KCNK12: variants seen among roughly 807,000 people sequenced by gnomAD.
KCNK12 encodes potassium two pore domain channel subfamily K member 12.
In KCNK12, 6 loss-of-function variants were observed where a neutral mutation model predicts 25.3. The ratio of observed to expected loss-of-function variants is 0.24; its 90% confidence interval spans 0.13 to 0.47. The LOEUF (loss-of-function observed/expected upper bound fraction) is 0.47, where lower values mean the gene tolerates loss of function less well. Ranked by LOEUF, KCNK12 falls within the 20% of genes least tolerant of loss-of-function variation. The pLI, the probability that KCNK12 is intolerant of heterozygous loss-of-function variation, is 0.99. For missense variants in KCNK12, 444 were observed against 661.7 expected (o/e 0.67, Z 3.61); for synonymous variants, 331 against 311.1 (o/e 1.06, Z -0.67).
At chr2:47,536,603 A>G (rs948841123) in intron 1 of KCNK12, among the ~76,000 whole-genome samples, 1 of 152,250 alleles carries the variant, frequency 6.6e-6, no homozygotes, top group Non-Finnish European at 1.5e-5. Flanking sequence ...ACAGACCTCC[A>G]GGAACACACC....
At chr2:47,524,315 A>G (rs1190465064) in intron 1 of KCNK12, among the ~76,000 whole-genome samples, 10 of 152,244 alleles carry the variant, frequency 6.6e-5, no homozygotes, top group Non-Finnish European at 5.9e-5. Flanking sequence ...AGTAACCTAA[A>G]TGTCTAACAA....
At position 47,529,940 on chromosome 2, in the gene KCNK12, C is replaced by T. The variant is rs899361395; in HGVS notation, c.392-8132G>A. On this transcript the variant is annotated intron_variant, in intron 1 of 1. Coordinates refer to ENST00000327876, the MANE Select transcript of KCNK12 (RefSeq NM_022055.2). This position sits in a 1 kb window ranked among gnomAD's most constrained non-coding sequence, Gnocchi z 4.3. ...TTGATTATCTGAAATTCAAATTTCACTGGGCATGCTGTCTTTTTATTTCCT... is the reference window on the plus strand; with the variant it reads ...TTGATTATCTGAAATTCAAATTTCATTGGGCATGCTGTCTTTTTATTTCCT... 6.6e-6 allele frequency among the ~76,000 whole-genome samples: 1 copy of T among 152,200 alleles called. No individual in the cohort carries two copies. The highest frequency in any genetic ancestry group is 2.4e-5 in the African/African-American group (1 of 41,438).
At chr2:47,550,771 C>T (rs1669413068) in intron 1 of KCNK12, among the ~76,000 whole-genome samples, 1 of 152,108 alleles carries the variant, frequency 6.6e-6, no homozygotes, top group Non-Finnish European at 1.5e-5. Context: ...AAAAAAACCC[C>T]ACACTTCAGT....
chr2:47,526,009 T>G (rs375564609), intron 1 of KCNK12, among the ~76,000 whole-genome samples: 3 of 152,146 alleles, frequency 2.0e-5, no homozygotes, highest in African/African-American at 4.8e-5. Flanking sequence ...GGAGGCTAAA[T>G]AAGCTCTGAT....
intron 1 of KCNK12, among the ~76,000 whole-genome samples, chr2:47,523,127 G>C (rs1055588622): frequency 6.6e-6 from 1 of 152,196 alleles, no homozygotes; most frequent in African/African-American, 2.4e-5. Context: ...AATGTAACCT[G>C]TAGTACACCT....
rs1407440759 is a variant in KCNK12 at position 47,529,561 on chromosome 2, AGC to A, written c.392-7755_392-7754del. 6.6e-6 allele frequency among the ~76,000 whole-genome samples: 1 copy of A among 152,246 alleles called. No homozygotes were observed. The highest frequency in any genetic ancestry group is 6.5e-5 in the Admixed American group (1 of 15,292). On this transcript the variant is annotated intron_variant, in intron 1 of 1. Coordinates refer to ENST00000327876, the MANE Select transcript of KCNK12 (RefSeq NM_022055.2). The surrounding 1 kb of genome is among the most constrained non-coding windows in gnomAD (Gnocchi z 4.3). ...TCTCCCAGCCTGTACTATATTGAGT[AGC>A]AGCCAGGCTACTTGGAGAACAGACT...
At chr2:47,542,034 C>G (rs1373601306) in intron 1 of KCNK12, among the ~76,000 whole-genome samples, 2 of 152,168 alleles carry the variant, frequency 1.3e-5, no homozygotes, top group Non-Finnish European at 2.9e-5. Flanking sequence ...AGCTTGGTTT[C>G]TGAGCCCTGA....
rs1183726865 is a variant in KCNK12, at chr2:47,525,185, C to A, written c.392-3377G>T. On this transcript the variant is annotated intron_variant, in intron 1 of 1. Coordinates refer to ENST00000327876, the MANE Select transcript of KCNK12 (RefSeq NM_022055.2). The surrounding 1 kb of genome is among the most constrained non-coding windows in gnomAD (Gnocchi z 4.1). ...AGCAAAACAGGTCTGGGGCTAGCAA[C>A]CCCCCACACCCCCACCTCCAGGCTG... Among the ~76,000 whole-genome samples, 2 of 152,218 alleles carry A rather than the reference C, an allele frequency of 1.3e-5. No homozygotes were observed. Among genetic ancestry groups the A allele is most frequent in the Non-Finnish European group, 2.9e-5 (2 of 68,042 alleles).
rs1668508958 is a variant in KCNK12 at position 47,515,700 on chromosome 2, TTC to T, written c.*5205_*5206del. Among the ~76,000 whole-genome samples, 1 of 152,256 alleles carries T rather than the reference TTC, an allele frequency of 6.6e-6. No individual in the cohort carries two copies. Among genetic ancestry groups the T allele is most frequent in the Middle Eastern group, 3.4e-3 (1 of 294 alleles). ...CAGTGTGAGCCTGATGGTCAATTAC[TTC>T]TCATTTCTAGGGAAAATTGAAGGAA... is the stretch of plus-strand genomic sequence containing the variant. On this transcript the variant is annotated 3_prime_UTR_variant, in exon 2 of 2. Transcript: ENST00000327876.
chr2:47,531,324 T>C (rs751532240), intron 1 of KCNK12, among the ~76,000 whole-genome samples: 3 of 151,856 alleles, frequency 2.0e-5, no homozygotes, highest in Non-Finnish European at 4.4e-5. Context: ...AATTTGAAAA[T>C]CAGCTGGGCG....
rs1669579027 is a variant in KCNK12 at position 47,557,731 on chromosome 2, A to G, written c.391+12210T>C. 6.6e-6 allele frequency among the ~76,000 whole-genome samples: 1 copy of G among 151,956 alleles called. No individual in the cohort carries two copies. Among genetic ancestry groups the G allele is most frequent in the Non-Finnish European group, 1.5e-5 (1 of 67,990 alleles). ...TTGACTGCACCAAGAGGCCCGAACAACTCCAATCAGTACAGGTGTATGACC... is the reference window on the plus strand; with the variant it reads ...TTGACTGCACCAAGAGGCCCGAACAGCTCCAATCAGTACAGGTGTATGACC... On this transcript the variant is annotated intron_variant, in intron 1 of 1. Coordinates refer to ENST00000327876, the MANE Select transcript of KCNK12 (RefSeq NM_022055.2). This position sits in a 1 kb window ranked among gnomAD's most constrained non-coding sequence, Gnocchi z 4.9.
Position 47,548,855 on chromosome 2 carries a change from G to A in KCNK12, c.391+21086C>T, listed in dbSNP as rs1395171404. Among the ~76,000 whole-genome samples the A allele has an allele frequency of 1.3e-5, 2 of 152,168 alleles. No homozygotes were observed. Among genetic ancestry groups the A allele is most frequent in the African/African-American group, 4.8e-5 (2 of 41,428 alleles). Reference sequence around the variant, plus strand: ...GATCCAGACAGAGCCCAGAACTCTTGCTGAATTGAGGGGAGAGAAATTCAG... The same window carrying A: ...GATCCAGACAGAGCCCAGAACTCTTACTGAATTGAGGGGAGAGAAATTCAG... On this transcript the variant is annotated intron_variant, in intron 1 of 1. Transcript: ENST00000327876. This position sits in a 1 kb window ranked among gnomAD's most constrained non-coding sequence, Gnocchi z 4.4.
At chr2:47,535,058 G>A (rs1395727009) in intron 1 of KCNK12, 1 of 229,012 alleles carries the variant, frequency 4.4e-6, no homozygotes, top group Non-Finnish European at 8.7e-6. Context: ...GGCACGCAGA[G>A]CCCTCGGGGA....
intron 1 of KCNK12, among the ~76,000 whole-genome samples, chr2:47,543,065 G>A (rs979004284): frequency 6.6e-6 from 1 of 152,264 alleles, no homozygotes; most frequent in African/African-American, 2.4e-5. Flanking sequence ...GAGTAGCTGG[G>A]ACTGTAGGTG....
At position 47,551,523 on chromosome 2, in the gene KCNK12, C is replaced by T. The variant is rs72872828; in HGVS notation, c.391+18418G>A. Among the ~76,000 whole-genome samples, 1 of 152,248 alleles carries T rather than the reference C, an allele frequency of 6.6e-6. No individual in the cohort carries two copies. Among genetic ancestry groups the T allele is most frequent in the South Asian group, 2.1e-4 (1 of 4,822 alleles). Reference sequence around the variant, plus strand: ...TCACTGCTGTATCCCTGGGGATTTTCAGTTGCTGGCACATAGTGGAGCGCT... The same window carrying T: ...TCACTGCTGTATCCCTGGGGATTTTTAGTTGCTGGCACATAGTGGAGCGCT... On this transcript the variant is annotated intron_variant, in intron 1 of 1. Coordinates refer to ENST00000327876, the MANE Select transcript of KCNK12 (RefSeq NM_022055.2). This position sits in a 1 kb window ranked among gnomAD's most constrained non-coding sequence, Gnocchi z 5.3.
intron 1 of KCNK12, among the ~76,000 whole-genome samples, chr2:47,561,753 C>G (rs1218134753): frequency 6.6e-6 from 1 of 152,138 alleles, no homozygotes; most frequent in African/African-American, 2.4e-5. Context: ...GCAACTGAGG[C>G]AAGGAGAAGT....
rs941374456 is a variant in KCNK12, at chr2:47,519,673, C to T, written c.*1234G>A. On this transcript the variant is annotated 3_prime_UTR_variant, in exon 2 of 2. Transcript: ENST00000327876. ...CATTACTTCCATCCACCAGTTTCAC[C>T]AGCTACCTCCCTCCTGCCTTCCTCT... 1 of 152,292 alleles carries T rather than the reference C, an allele frequency of 6.6e-6. No individual in the cohort carries two copies. The highest frequency in any genetic ancestry group is 2.4e-5 in the African/African-American group (1 of 41,452). 9.4% of individuals were successfully genotyped at this position (152,292 alleles called of 1,614,324 possible). A position where few individuals can be genotyped will look rare whatever the true frequency, so the allele number is the denominator to read the frequency against.
rs919318940 is a variant in KCNK12 at position 47,519,963 on chromosome 2, G to A, written c.*944C>T. 3 of 152,128 alleles carry A rather than the reference G, an allele frequency of 2.0e-5. No individual in the cohort carries two copies. The highest frequency in any genetic ancestry group is 7.2e-5 in the African/African-American group (3 of 41,428). 9.4% of individuals were successfully genotyped at this position (152,128 alleles called of 1,614,324 possible). A position where few individuals can be genotyped will look rare whatever the true frequency, so the allele number is the denominator to read the frequency against. On this transcript the variant is annotated 3_prime_UTR_variant, in exon 2 of 2. Coordinates refer to ENST00000327876, the MANE Select transcript of KCNK12 (RefSeq NM_022055.2). ...CCCATGATCTCTTAAAGGGGGAAAA[G>A]TTGAACTGATCAACAGTAGTTAAGA... is the stretch of plus-strand genomic sequence containing the variant.
intron 1 of KCNK12, among the ~76,000 whole-genome samples, chr2:47,549,720 G>A (rs1055874140): frequency 3.3e-5 from 5 of 152,192 alleles, no homozygotes; most frequent in Admixed American, 1.3e-4. Flanking sequence ...CGGATCACGA[G>A]GTCAGGAGTT....
Sources: allele counts gnomAD v4.1 joint callset (sites outside exome capture counted in the v4.1 genomes callset), GRCh38; gene constraint gnomAD v4.1.1; non-coding constraint Gnocchi (gnomAD v3.1); transcripts MANE v1.5; gene names NCBI Gene and HGNC (gene_info 2026-07-23, HGNC 2026-07-21).